Variants in SDK2 observed in about 807,000 individuals in gnomAD.
SDK2 encodes sidekick cell adhesion molecule 2.
Under a neutral mutation model 253.9 loss-of-function variants are expected in SDK2, and 105 were observed. The observed-to-expected ratio is 0.41, with a 90% CI of 0.35 to 0.49. The LOEUF (loss-of-function observed/expected upper bound fraction) is 0.49, where lower values mean the gene tolerates loss of function less well. Ranked by LOEUF, SDK2 falls within the 20% of genes least tolerant of loss-of-function variation. The pLI is 0.06. For synonymous variants in SDK2, 1,249 were observed against 1,234.9 expected (o/e 1.01, Z -0.24); for missense variants, 2,608 against 3,003.0 (o/e 0.87, Z 3.07).
chr17:73,643,891 C>G lies in SDK2; in HGVS notation c.64+134G>C, dbSNP rs1172836879. Reference sequence around the variant, plus strand: ...ACTTGGGAGATGGGGTGTCTTGAAACTCCCTGGAGAGGGCTCTGCCACGGC... The same window carrying G: ...ACTTGGGAGATGGGGTGTCTTGAAAGTCCCTGGAGAGGGCTCTGCCACGGC... On this transcript the variant is annotated intron_variant, in intron 1 of 44. Coordinates refer to ENST00000392650, the MANE Select transcript of SDK2 (RefSeq NM_001144952.2). The surrounding 1 kb of genome is among the most constrained non-coding windows in gnomAD (Gnocchi z 6.9). 1 of 750,458 alleles carries G rather than the reference C, an allele frequency of 1.3e-6. No individual in the cohort carries two copies. Among genetic ancestry groups the G allele is most frequent in the Non-Finnish European group, 2.2e-6 (1 of 456,528 alleles). The allele number at this position is 750,458 out of a possible 1,614,324, so 46.5% of individuals were successfully genotyped here. A position where few individuals can be genotyped will look rare whatever the true frequency, so the allele number is the denominator to read the frequency against.
chr17:73,348,699 C>T lies in SDK2; in HGVS notation c.6065G>A (p.Ser2022Asn). 6.2e-7 allele frequency: 1 copy of T among 1,610,234 alleles called. No individual in the cohort carries two copies. Among genetic ancestry groups the T allele is most frequent in the Non-Finnish European group, 8.5e-7 (1 of 1,179,626 alleles). The part of the protein sequence containing the change: ...TRSPPRPSPG[S>N]LHYSDEDVTK... ...GACATCCTCATCCGAGTAGTGCAGG[C>T]TGCCTGGGCTGGGCCTGGGGGGAGA... Residue 2022 changes from serine (S) to asparagine (N), a missense_variant, in exon 44 of 45, where the codon AGC becomes AAC. Physicochemically the swap from Ser to Asn is conservative, Grantham distance 46. Transcript: ENST00000392650.
Position 73,644,118 on chromosome 17 carries a change from G to T in SDK2, c.-30C>A. 1 of 1,534,054 alleles carries T rather than the reference G, an allele frequency of 6.5e-7. No individual in the cohort carries two copies. On this transcript the variant is annotated 5_prime_UTR_variant, in exon 1 of 45. Transcript: ENST00000392650. This position sits in a 1 kb window ranked among gnomAD's most constrained non-coding sequence, Gnocchi z 6.3. Reference sequence around the variant, plus strand: ...ACCAGCCTGGAGAGGGGTCCTCGGGGTCTCCCTTCCCTCCGCCCTGTTTTA... The same window carrying T: ...ACCAGCCTGGAGAGGGGTCCTCGGGTTCTCCCTTCCCTCCGCCCTGTTTTA...
At chr17:73,527,413 C>T (rs548100178) in intron 1 of SDK2, among the ~76,000 whole-genome samples, 1 of 152,240 alleles carries the variant, frequency 6.6e-6, no homozygotes, top group South Asian at 2.1e-4. Flanking sequence ...CAGACAGAAG[C>T]CAGGCAGAGG....
intron 38 of SDK2, among the ~76,000 whole-genome samples, chr17:73,364,523 C>T (rs1430441945): frequency 6.6e-6 from 1 of 152,078 alleles, no homozygotes; most frequent in Non-Finnish European, 1.5e-5. Context: ...TTCCTGACTC[C>T]CACCAAAGCT....
In SDK2 at chr17:73,541,432, G is replaced by C. The variant is rs1474578483; in HGVS notation, c.65-33835C>G. 6.6e-6 allele frequency among the ~76,000 whole-genome samples: 1 copy of C among 152,114 alleles called. No individual in the cohort carries two copies. The highest frequency in any genetic ancestry group is 1.5e-5 in the Non-Finnish European group (1 of 68,018). ...AGCACACTTAGCACATGGGCGCCTT[G>C]CTGGGTGCTCCATCCCATCCCCTCT... On this transcript the variant is annotated intron_variant, in intron 1 of 44. Coordinates refer to ENST00000392650, the MANE Select transcript of SDK2 (RefSeq NM_001144952.2). This position sits in a 1 kb window ranked among gnomAD's most constrained non-coding sequence, Gnocchi z 4.3.
chr17:73,361,645 C>T lies in SDK2; in HGVS notation c.5467+39G>A, dbSNP rs765946730. ...CCCCTTCTGACTGGGGACGCTGAACCGCCGTGTGGAAGACATGCCTGGTCC... is the reference window on the plus strand; with the variant it reads ...CCCCTTCTGACTGGGGACGCTGAACTGCCGTGTGGAAGACATGCCTGGTCC... On this transcript the variant is annotated intron_variant, in intron 39 of 44. Coordinates refer to ENST00000392650, the MANE Select transcript of SDK2 (RefSeq NM_001144952.2). The surrounding 1 kb of genome is among the most constrained non-coding windows in gnomAD (Gnocchi z 4.1). 2.3e-5 allele frequency: 37 copies of T among 1,588,414 alleles called. No homozygotes were observed. The highest frequency in any genetic ancestry group is 1.2e-4 in the Admixed American group (7 of 59,484).
intron 1 of SDK2, among the ~76,000 whole-genome samples, chr17:73,568,794 A>G (rs1165779667): frequency 6.6e-6 from 1 of 152,186 alleles, no homozygotes; most frequent in Non-Finnish European, 1.5e-5. Flanking sequence ...CAAGGAGAAG[A>G]GTCGTTAAAC....
At chr17:73,587,555 G>T (rs1246076949) in intron 1 of SDK2, among the ~76,000 whole-genome samples, 1 of 152,236 alleles carries the variant, frequency 6.6e-6, no homozygotes, top group Non-Finnish European at 1.5e-5. Context: ...CGTGACTCAT[G>T]TCATCCTGGT....
chr17:73,390,513 A>G (rs931845066), intron 28 of SDK2, 32 bp from the exon 29 acceptor site: 4 of 1,575,844 alleles, frequency 2.5e-6, no homozygotes, highest in Non-Finnish European at 2.6e-6. Context: ...CTATTATGGC[A>G]AGCAAGGCAA....
chr17:73,563,049 C>T (rs573571201), intron 1 of SDK2, among the ~76,000 whole-genome samples: 78 of 152,288 alleles, frequency 5.1e-4, no homozygotes, highest in African/African-American at 1.8e-3. Flanking sequence ...GCTCTGATAC[C>T]GCCTCACTGC....
chr17:73,368,554 G>C lies in SDK2; in HGVS notation c.5020C>G (p.Arg1674Gly). The change falls in exon 37 of 45, where the codon CGA becomes GGA. Residue 1674 changes from arginine to glycine, a missense_variant. Coordinates refer to ENST00000392650, the MANE Select transcript of SDK2 (RefSeq NM_001144952.2). Reference sequence around the variant, plus strand: ...TCAGCCAGGAAAAGCGTCTTCACTCGCTCTGTGAGGTTCCCCCGCTGGGCT... The same window carrying C: ...TCAGCCAGGAAAAGCGTCTTCACTCCCTCTGTGAGGTTCCCCCGCTGGGCT... The part of the protein sequence containing the change: ...WEAQRGNLTE[R>G]VKTLFLAENS... 1 of 1,603,792 alleles carries C rather than the reference G, an allele frequency of 6.2e-7. No individual in the cohort carries two copies. The highest frequency in any genetic ancestry group is 8.5e-7 in the Non-Finnish European group (1 of 1,175,730).
intron 2 of SDK2, among the ~76,000 whole-genome samples, chr17:73,483,661 GTATA>G (rs61050632): frequency 0.25 from 17,261 of 70,072 alleles, 2,968 homozygotes; most frequent in South Asian, 0.36. Flanking sequence ...GTGTGTGTGT[GTATA>G]TATATATATA....
rs1217098295 is a variant in SDK2 at position 73,539,659 on chromosome 17, T to A, written c.65-32062A>T. Among the ~76,000 whole-genome samples, 12 of 152,326 alleles carry A rather than the reference T, an allele frequency of 7.9e-5. No individual in the cohort carries two copies. In the East Asian group the frequency reaches 2.3e-3, roughly 29 times the overall value. On this transcript the variant is annotated intron_variant, in intron 1 of 44. Coordinates refer to ENST00000392650, the MANE Select transcript of SDK2 (RefSeq NM_001144952.2). Reference sequence around the variant, plus strand: ...GGTAAAATTGAGTCCCACCAGAAGATACAGTGAAGCCCTCAGTCCTGGGAC... The same window carrying A: ...GGTAAAATTGAGTCCCACCAGAAGAAACAGTGAAGCCCTCAGTCCTGGGAC...
chr17:73,610,671 GT>G (rs2045962247), intron 1 of SDK2, among the ~76,000 whole-genome samples: 1 of 151,596 alleles, frequency 6.6e-6, no homozygotes, highest in South Asian at 2.1e-4. Flanking sequence ...GTGTGCATGT[GT>G]TTTCTGTGTG....
In SDK2 at chr17:73,361,395, C is replaced by CGAAGCAG. The variant is rs1266728650; in HGVS notation, c.5467+282_5467+288dup. Among the ~76,000 whole-genome samples, 1 of 152,208 alleles carries CGAAGCAG rather than the reference C, an allele frequency of 6.6e-6. No individual in the cohort carries two copies. The highest frequency in any genetic ancestry group is 1.5e-5 in the Non-Finnish European group (1 of 68,046). On this transcript the variant is annotated intron_variant, in intron 39 of 44. Transcript: ENST00000392650. The surrounding 1 kb of genome is among the most constrained non-coding windows in gnomAD (Gnocchi z 4.1). ...ATGCAATTAGCAGGGAGAGAAAGAACGAAGCAGGCGCAGTGGCCAGGCCAG... is the reference window on the plus strand; with the variant it reads ...ATGCAATTAGCAGGGAGAGAAAGAACGAAGCAGGAAGCAGGCGCAGTGGCCAGGCCAG...
At chr17:73,339,987 C>T (rs951869073) in intron 44 of SDK2, among the ~76,000 whole-genome samples, 7 of 152,278 alleles carry the variant, frequency 4.6e-5, no homozygotes, top group Middle Eastern at 6.8e-3. Flanking sequence ...TCTCCTGCCT[C>T]AGCTTCTGGA....
At chr17:73,404,635 G>C (rs1158774717) in intron 18 of SDK2, among the ~76,000 whole-genome samples, 2 of 152,186 alleles carry the variant, frequency 1.3e-5, no homozygotes, top group African/African-American at 2.4e-5. Flanking sequence ...GATGACCTCT[G>C]TCTCTCAAAG....
intron 38 of SDK2, among the ~76,000 whole-genome samples, chr17:73,363,291 G>A (rs1300789416): frequency 6.6e-6 from 1 of 152,184 alleles, no homozygotes; most frequent in Non-Finnish European, 1.5e-5. Context: ...GGCTGGTCTC[G>A]AACTCCTGAA....
intron 18 of SDK2, among the ~76,000 whole-genome samples, chr17:73,409,966 T>A (rs7207281): frequency 1.3e-5 from 2 of 152,052 alleles, no homozygotes; most frequent in Admixed American, 1.3e-4. Flanking sequence ...CAATCCTCCC[T>A]GTCTTAGCCT....
Sources: gnomAD v4.1 joint callset for allele counts (sites outside exome capture counted in the v4.1 genomes callset) on GRCh38, gnomAD v4.1.1 for gene constraint, Gnocchi (gnomAD v3.1) non-coding constraint, MANE v1.5 for transcripts, NCBI Gene and HGNC (gene_info 2026-07-23, HGNC 2026-07-21) for gene names.